Variants in SNAP91 observed in about 807,000 individuals in gnomAD.
SNAP91 encodes synaptosome associated protein 91, also known as clathrin coat assembly protein AP180.
Under a neutral mutation model 100.3 loss-of-function variants are expected in SNAP91, and 27 were observed. That is an observed-to-expected ratio of 0.27 (90% CI 0.20 to 0.37). The LOEUF is 0.37. Ranked by LOEUF, SNAP91 falls within the 10% of genes least tolerant of loss-of-function variation. The pLI, the probability that SNAP91 is intolerant of heterozygous loss-of-function variation, is 1.00. For missense variants in SNAP91, 986 were observed against 1,123.7 expected (o/e 0.88, Z 1.75); for synonymous variants, 404 against 398.6 (o/e 1.01, Z -0.16).
At chr6:83,565,554 T>C (rs540159332) in intron 26 of SNAP91, among the ~76,000 whole-genome samples, 2 of 152,338 alleles carry the variant, frequency 1.3e-5, no homozygotes, top group East Asian at 1.9e-4. Context: ...CTGTTTGTTT[T>C]ATTATTTTTA....
intron 9 of SNAP91, among the ~76,000 whole-genome samples, chr6:83,617,587 C>A (rs2096550615): frequency 6.6e-6 from 1 of 151,066 alleles, no homozygotes; most frequent in Admixed American, 6.6e-5. Flanking sequence ...TTATTATTGA[C>A]CTATTTATAT....
At chr6:83,598,063 T>A (rs1300061879) in intron 16 of SNAP91, among the ~76,000 whole-genome samples, 1 of 152,154 alleles carries the variant, frequency 6.6e-6, no homozygotes, top group Non-Finnish European at 1.5e-5. Flanking sequence ...CTTGTTGGTG[T>A]GCAGAGGAAT....
intron 9 of SNAP91, among the ~76,000 whole-genome samples, chr6:83,618,110 A>G (rs900569833): frequency 6.6e-6 from 1 of 151,978 alleles, no homozygotes; most frequent in South Asian, 2.1e-4. Context: ...AAAAATCTTT[A>G]ATTTTGAAAA....
chr6:83,692,531 C>A (rs1339575494), intron 2 of SNAP91, among the ~76,000 whole-genome samples: 1 of 151,654 alleles, frequency 6.6e-6, no homozygotes, highest in Non-Finnish European at 1.5e-5. Context: ...AAAAAATTAC[C>A]TATTTAAATG....
intron 24 of SNAP91, among the ~76,000 whole-genome samples, chr6:83,578,752 A>G (rs1400087683): frequency 4.6e-5 from 7 of 152,010 alleles, no homozygotes; most frequent in African/African-American, 1.7e-4. Context: ...CTATTTATCT[A>G]TTTTTTCTTT....
At chr6:83,566,978 A>C (rs1445667841) in intron 26 of SNAP91, among the ~76,000 whole-genome samples, 1 of 152,136 alleles carries the variant, frequency 6.6e-6, no homozygotes, top group Non-Finnish European at 1.5e-5. Flanking sequence ...TTCTTCACTT[A>C]AATAAACTCT....
At chr6:83,698,386 G>A (rs1019920003) in intron 2 of SNAP91, among the ~76,000 whole-genome samples, 2 of 151,722 alleles carry the variant, frequency 1.3e-5, no homozygotes, top group East Asian at 3.9e-4. Flanking sequence ...ATACTGAAGA[G>A]GAGACTGCCC....
rs1323623277 is a variant in SNAP91 at position 83,623,338 on chromosome 6, A to C, written c.770T>G (p.Val257Gly). The C allele has an allele frequency of 6.2e-7, 1 of 1,605,530 alleles. No individual in the cohort carries two copies. Among genetic ancestry groups the C allele is most frequent in the Non-Finnish European group, 8.5e-7 (1 of 1,174,872 alleles). ...VSEFLKVAEQVGIDKGDIPDL... is the reference protein window; with the variant it reads ...VSEFLKVAEQGGIDKGDIPDL... ...AGGAATGTCACCTTTATCAATACCA[A>C]CTTGCTGTGGATTTAAAAAATTAGA... Residue 257 changes from valine to glycine, a missense_variant, in exon 9 of 30, where the codon GTT becomes GGT. Physicochemically the swap from Val to Gly is moderately radical, Grantham distance 109. Transcript: ENST00000369694.
At chr6:83,702,299 G>A (rs1256962221) in intron 2 of SNAP91, among the ~76,000 whole-genome samples, 1 of 152,118 alleles carries the variant, frequency 6.6e-6, no homozygotes, top group African/African-American at 2.4e-5. Flanking sequence ...AGGGAATAGG[G>A]TTATATGTCA....
intron 8 of SNAP91, among the ~76,000 whole-genome samples, chr6:83,636,973 G>A (rs2097482407): frequency 2.6e-5 from 4 of 152,162 alleles, no homozygotes; most frequent in Admixed American, 2.0e-4. Context: ...CTCCTGTGGT[G>A]CATTTCAGAG....
chr6:83,690,095 C>T (rs907536160), intron 2 of SNAP91: 35 of 192,052 alleles, frequency 1.8e-4, no homozygotes, highest in African/African-American at 8.1e-4. Flanking sequence ...ATATAAAAAT[C>T]CTCTCAAGTA....
chr6:83,560,239 G>A (rs1470043871), intron 27 of SNAP91, 31 bp from the exon 28 acceptor site: 4 of 1,530,014 alleles, frequency 2.6e-6, no homozygotes, highest in Non-Finnish European at 1.8e-6. Context: ...GTGGTTCAGA[G>A]CATGAGTGGA....
chr6:83,696,300 A>G (rs1587993976), intron 2 of SNAP91, among the ~76,000 whole-genome samples: 1 of 152,208 alleles, frequency 6.6e-6, no homozygotes, highest in African/African-American at 2.4e-5. Context: ...TTTAGATGTA[A>G]CAATCAGAAC....
At chr6:83,634,080 A>T (rs1379080159) in intron 8 of SNAP91, among the ~76,000 whole-genome samples, 11 of 152,162 alleles carry the variant, frequency 7.2e-5, no homozygotes, top group Non-Finnish European at 1.5e-4. Context: ...GTGCACATGT[A>T]CCCTAAAACT....
chr6:83,626,010 T>C (rs2096913789), intron 8 of SNAP91, among the ~76,000 whole-genome samples: 1 of 152,098 alleles, frequency 6.6e-6, no homozygotes, highest in South Asian at 2.1e-4. Flanking sequence ...AGGTCTTTTA[T>C]CCATCTTTAG....
chr6:83,641,485 A>G (rs1052483398), intron 7 of SNAP91, among the ~76,000 whole-genome samples: 9 of 152,244 alleles, frequency 5.9e-5, no homozygotes, highest in Non-Finnish European at 1.3e-4. Context: ...GGCTAAATTC[A>G]TGTTCCATAT....
intron 9 of SNAP91, among the ~76,000 whole-genome samples, chr6:83,620,489 T>C (rs936428710): frequency 6.6e-6 from 1 of 152,268 alleles, no homozygotes; most frequent in East Asian, 1.9e-4. Context: ...CCAGAACAAT[T>C]CACATGCTAG....
At chr6:83,656,352 G>T (rs2098404172) in intron 7 of SNAP91, among the ~76,000 whole-genome samples, 1 of 152,116 alleles carries the variant, frequency 6.6e-6, no homozygotes, top group Non-Finnish European at 1.5e-5. Flanking sequence ...TTATGAATAG[G>T]CTAAACAGCA....
At chr6:83,583,388 T>G (rs1831266762) in intron 22 of SNAP91, among the ~76,000 whole-genome samples, 1 of 152,224 alleles carries the variant, frequency 6.6e-6, no homozygotes, top group South Asian at 2.1e-4. Context: ...GAATTAATGT[T>G]TATTAAATGA....
Sources: allele counts gnomAD v4.1 joint callset (sites outside exome capture counted in the v4.1 genomes callset), GRCh38; gene constraint gnomAD v4.1.1; transcripts MANE v1.5; gene names NCBI Gene and HGNC (gene_info 2026-07-23, HGNC 2026-07-21).